The following CALD1 variants were observed in gnomAD, a reference collection of about 807,000 sequenced individuals.
CALD1 encodes caldesmon 1.
CALD1 carries 33 observed loss-of-function variants against 99.9 expected under a neutral mutation model. The observed-to-expected ratio is 0.33, with a 90% CI of 0.25 to 0.44. CALD1 has a LOEUF of 0.44. Ranked by LOEUF, CALD1 falls within the 20% of genes least tolerant of loss-of-function variation. CALD1 has a pLI of 1.00. For synonymous variants in CALD1, 310 were observed against 325.0 expected (o/e 0.95, Z 0.50); for missense variants, 861 against 962.1 (o/e 0.89, Z 1.39).
intron 3 of CALD1, among the ~76,000 whole-genome samples, chr7:134,924,669 A>G (rs1270684759): frequency 1.3e-5 from 2 of 152,160 alleles, no homozygotes; most frequent in Non-Finnish European, 2.9e-5. Flanking sequence ...AATAATTTTA[A>G]TATGTTTCTT....
intron 2 of CALD1, among the ~76,000 whole-genome samples, chr7:134,847,936 C>T (rs1731617819): frequency 6.6e-6 from 1 of 152,170 alleles, no homozygotes; most frequent in African/African-American, 2.4e-5. Flanking sequence ...CAAGCCTTTC[C>T]TAAGGTTCCA....
chr7:134,721,525 A>G, the CALD1 span, among the ~76,000 whole-genome samples: 6 of 152,088 alleles, frequency 3.9e-5, no homozygotes, highest in African/African-American at 4.8e-5. Context: ...CTGCTATAGT[A>G]GAACAGTTTA....
At chr7:134,948,343 C>T (rs776219255) in intron 8 of CALD1, among the ~76,000 whole-genome samples, 15 of 151,632 alleles carry the variant, frequency 9.9e-5, no homozygotes, top group South Asian at 2.1e-4. Context: ...CAGGAAGAGC[C>T]CCATCATTAT....
At chr7:134,965,498 C>T (rs1786692912) in intron 14 of CALD1, 112 bp downstream of exon 14, 2 of 694,562 alleles carry the variant, frequency 2.9e-6, no homozygotes, top group Admixed American at 4.2e-5. Context: ...TCTTTGCCTG[C>T]ACACCCATCA....
At chr7:134,946,211 G>T (rs1315034060) in intron 7 of CALD1, among the ~76,000 whole-genome samples, 1 of 151,936 alleles carries the variant, frequency 6.6e-6, no homozygotes, top group Non-Finnish European at 1.5e-5. Flanking sequence ...ATATCAGTAT[G>T]ATATCATACT....
At chr7:134,914,862 C>T (rs1255629625) in intron 3 of CALD1, among the ~76,000 whole-genome samples, 1 of 152,200 alleles carries the variant, frequency 6.6e-6, no homozygotes, top group East Asian at 1.9e-4. Flanking sequence ...CACTTTAAGT[C>T]TTCTGTAATA....
At chr7:134,860,738 G>A (rs1800527602) in intron 2 of CALD1, among the ~76,000 whole-genome samples, 1 of 152,194 alleles carries the variant, frequency 6.6e-6, no homozygotes, top group Non-Finnish European at 1.5e-5. Flanking sequence ...TTGATGAGCT[G>A]TAGCTGACAG....
At chr7:134,807,062 G>A (rs563121211) in intron 1 of CALD1, among the ~76,000 whole-genome samples, 3 of 148,488 alleles carry the variant, frequency 2.0e-5, no homozygotes, top group Admixed American at 1.3e-4. Context: ...AGCTGTGGTC[G>A]GAGGAAGATT....
chr7:134,753,690 G>A (rs73444100), intron 1 of CALD1, among the ~76,000 whole-genome samples: 27,991 of 152,006 alleles, frequency 0.18, 2,706 homozygotes, highest in African/African-American at 0.23. Context: ...ACAGGACAAC[G>A]GTGGGGCCTC....
chr7:134,967,698 T>A (rs1808780092), intron 14 of CALD1, among the ~76,000 whole-genome samples: 1 of 152,126 alleles, frequency 6.6e-6, no homozygotes, highest in Non-Finnish European at 1.5e-5. Flanking sequence ...TTTTTGGCTC[T>A]TACAGTGGGG....
At chr7:134,891,085 T>G (rs2132502244) in intron 3 of CALD1, among the ~76,000 whole-genome samples, 1 of 152,322 alleles carries the variant, frequency 6.6e-6, no homozygotes. Flanking sequence ...GTGGGCTGAT[T>G]TCTGTTGATC....
chr7:134,958,915 C>CTA (rs1476963325), intron 11 of CALD1, among the ~76,000 whole-genome samples: 4 of 101,978 alleles, frequency 3.9e-5, no homozygotes, highest in Non-Finnish European at 6.1e-5. Flanking sequence ...ATATATTTAA[C>CTA]TATATATATA....
At position 134,755,618 on chromosome 7, in the gene CALD1, C is replaced by T. The variant is rs185708857; in HGVS notation, c.-130+11255C>T. Among the ~76,000 whole-genome samples the T allele has an allele frequency of 3.4e-3, 513 of 152,276 alleles. 3 individuals carry two copies. The highest frequency in any genetic ancestry group is 6.8e-3 in the Middle Eastern group (2 of 294). On this transcript the variant is annotated intron_variant, in intron 1 of 13. Coordinates refer to the CALD1 transcript ENST00000417172. The stretch of plus-strand genomic sequence containing the variant: ...TGTAGTCTACTTGAATGGCTCCCCC[C>T]GGTGGTGTACAGTACACAGCCTGCA...
At chr7:134,857,520 G>T (rs1334975721) in intron 2 of CALD1, among the ~76,000 whole-genome samples, 1 of 151,856 alleles carries the variant, frequency 6.6e-6, no homozygotes, top group Non-Finnish European at 1.5e-5. Context: ...GAAAAGTCCA[G>T]GTATCCCCAA....
chr7:134,808,295 A>T (rs1023608530), intron 1 of CALD1, among the ~76,000 whole-genome samples: 1 of 150,982 alleles, frequency 6.6e-6, no homozygotes, highest in African/African-American at 2.4e-5. Context: ...TTTTGTAGAG[A>T]CAACGTCTCA....
chr7:134,858,232 C>T (rs1040150079), intron 2 of CALD1, among the ~76,000 whole-genome samples: 1 of 152,136 alleles, frequency 6.6e-6, no homozygotes, highest in Non-Finnish European at 1.5e-5. Context: ...ACTCTTGGGC[C>T]TTGTTACTTA....
intron 7 of CALD1, among the ~76,000 whole-genome samples, chr7:134,947,140 A>G (rs1721748265): frequency 6.6e-6 from 1 of 152,200 alleles, no homozygotes; most frequent in South Asian, 2.1e-4. Flanking sequence ...ATGTCTCTTC[A>G]AGACCTTGCT....
At chr7:134,886,467 A>G (rs991678868) in intron 3 of CALD1, among the ~76,000 whole-genome samples, 2 of 152,268 alleles carry the variant, frequency 1.3e-5, no homozygotes, top group Non-Finnish European at 2.9e-5. Flanking sequence ...GCTATTATCA[A>G]TGTGAAAATG....
At chr7:134,853,306 C>A (rs922930802) in intron 2 of CALD1, among the ~76,000 whole-genome samples, 1 of 152,136 alleles carries the variant, frequency 6.6e-6, no homozygotes, top group Non-Finnish European at 1.5e-5. Context: ...TATTTATCTG[C>A]ACCTAGGGGA....
Sources: allele counts gnomAD v4.1 joint callset (sites outside exome capture counted in the v4.1 genomes callset), GRCh38; gene constraint gnomAD v4.1.1; transcripts MANE v1.5; gene names NCBI Gene and HGNC (gene_info 2026-07-23, HGNC 2026-07-21).